The following IBTK variants were observed in gnomAD, a reference collection of about 807,000 sequenced individuals.
The protein encoded by IBTK is inhibitor of Bruton tyrosine kinase.
A neutral mutation model predicts 154.9 loss-of-function variants in IBTK; 83 were observed. The observed-to-expected ratio is 0.54, with a 90% CI of 0.45 to 0.64. The LOEUF is 0.64. Ranked by LOEUF, IBTK falls within the 30% of genes least tolerant of loss-of-function variation. The pLI is 0.00. For missense variants in IBTK, 1,332 were observed against 1,584.6 expected, an observed-to-expected ratio of 0.84 and a Z score of 2.71; for synonymous variants, 515 against 536.1, an observed-to-expected ratio of 0.96 and a Z score of 0.54.
chr6:82,202,417 C>A (rs1769242927), intron 18 of IBTK, 111 bp downstream of exon 18: 1 of 698,968 alleles, frequency 1.4e-6, no homozygotes, highest in Non-Finnish European at 2.5e-6. Context: ...TGATCAAATT[C>A]TTTCCATCCA....
At chr6:82,172,306 A>G in intron 28 of IBTK, 74 bp downstream of exon 28, 1 of 1,471,432 alleles carries the variant, frequency 6.8e-7, no homozygotes, top group Non-Finnish European at 9.2e-7. Flanking sequence ...AAACAAACAA[A>G]CACGATTTTC....
intron 16 of IBTK, among the ~76,000 whole-genome samples, chr6:82,206,848 TAAGAA>T (rs1389179990): frequency 3.3e-5 from 5 of 152,148 alleles, no homozygotes; most frequent in Admixed American, 3.3e-4. Flanking sequence ...ACGGCCATCT[TAAGAA>T]ACAGAAAAAC....
intron 2 of IBTK, among the ~76,000 whole-genome samples, chr6:82,236,094 G>C (rs1160601847): frequency 6.6e-6 from 1 of 152,098 alleles, no homozygotes; most frequent in Non-Finnish European, 1.5e-5. Flanking sequence ...GGCTGGTTTC[G>C]AACTCCTGAC....
Position 82,216,586 on chromosome 6 carries a change from T to A in IBTK, c.1427-336A>T, listed in dbSNP as rs73470059. On this transcript the variant is annotated intron_variant, in intron 10 of 28. Coordinates refer to ENST00000306270, the MANE Select transcript of IBTK (RefSeq NM_015525.4). Reference sequence around the variant, plus strand: ...AAAACTTTTCAACTTATACTTCCTGTTGCCCAAAGGGAAAAAAATTCTTCA... The same window carrying A: ...AAAACTTTTCAACTTATACTTCCTGATGCCCAAAGGGAAAAAAATTCTTCA... 4.5e-3 allele frequency among the ~76,000 whole-genome samples: 684 copies of A among 152,288 alleles called. 5 individuals carry two copies. Among genetic ancestry groups the A allele is most frequent in the African/African-American group, 0.015 (622 of 41,562 alleles).
intron 21 of IBTK, 55 bp downstream of exon 21, chr6:82,200,086 G>A: frequency 9.3e-7 from 1 of 1,079,314 alleles, no homozygotes; most frequent in South Asian, 1.4e-5. Context: ...GATGACATAT[G>A]TGAATAGAGA....
chr6:82,231,748 C>G lies in IBTK; in HGVS notation c.513G>C (p.Leu171=). The G allele has an allele frequency of 6.2e-7, 1 of 1,608,926 alleles. No homozygotes were observed. The highest frequency in any genetic ancestry group is 8.5e-7 in the Non-Finnish European group (1 of 1,177,302). The change falls in exon 4 of 29, where the codon CTG becomes CTC. Residue 171 remains leucine, a synonymous_variant. Transcript: ENST00000306270. Reference sequence around the variant, plus strand: ...TGATATAAATCCCACTCCTGGAGAACAGATCCACCAACTCTGGATGATGTT... The same window carrying G: ...TGATATAAATCCCACTCCTGGAGAAGAGATCCACCAACTCTGGATGATGTT... The part of the protein sequence containing the change: ...NSKHHPELVD[L]FSRSGIYIKQ...
chr6:82,244,665 A>G (rs1178059123), intron 1 of IBTK, among the ~76,000 whole-genome samples: 1 of 152,196 alleles, frequency 6.6e-6, no homozygotes, highest in African/African-American at 2.4e-5. Context: ...TATTTGCCCT[A>G]AACTCCAGGC....
intron 6 of IBTK, 44 bp downstream of exon 6, chr6:82,225,433 T>C: frequency 6.6e-7 from 1 of 1,512,162 alleles, no homozygotes; most frequent in African/African-American, 1.4e-5. Context: ...ATACAGGTTT[T>C]ATTGCAAATG....
chr6:82,188,509 T>C (rs1768636335), intron 25 of IBTK, among the ~76,000 whole-genome samples: 1 of 152,194 alleles, frequency 6.6e-6, no homozygotes, highest in South Asian at 2.1e-4. Context: ...TTATGAACAT[T>C]CTTATACTTG....
At chr6:82,235,784 T>A in intron 2 of IBTK, among the ~76,000 whole-genome samples, 1 of 152,236 alleles carries the variant, frequency 6.6e-6, no homozygotes, top group Non-Finnish European at 1.5e-5. Context: ...TATGTTACCA[T>A]AGTTGGTTCC....
intron 24 of IBTK, 60 bp from the exon 25 acceptor site, chr6:82,191,276 A>C: frequency 7.5e-7 from 1 of 1,337,602 alleles, no homozygotes; most frequent in Non-Finnish European, 1.0e-6. Context: ...TTCCATGAGA[A>C]ATCATTTTGC....
rs2127799184 is a variant in IBTK at position 82,181,740 on chromosome 6, C to T, written c.3725+139G>A. The T allele has an allele frequency of 5.1e-6, 3 of 588,402 alleles. No homozygotes were observed. The East Asian group carries it at 9.4e-5, about 19-fold the overall frequency. 36.4% of individuals were successfully genotyped at this position (588,402 alleles called of 1,614,324 possible). A position where few individuals can be genotyped will look rare whatever the true frequency, so the allele number is the denominator to read the frequency against. Reference sequence around the variant, plus strand: ...TTTTTAAGTGGGGAAGGAATTTAAACATGCTAATTTTAATTCTGAATGTAA... The same window carrying T: ...TTTTTAAGTGGGGAAGGAATTTAAATATGCTAATTTTAATTCTGAATGTAA... On this transcript the variant is annotated intron_variant, in intron 26 of 28. Coordinates refer to ENST00000306270, the MANE Select transcript of IBTK (RefSeq NM_015525.4).
intron 26 of IBTK, among the ~76,000 whole-genome samples, chr6:82,181,132 G>A (rs1768304335): frequency 2.0e-5 from 3 of 152,192 alleles, no homozygotes; most frequent in Non-Finnish European, 4.4e-5. Context: ...GCTCATGCCT[G>A]TAATCCTAGA....
intron 4 of IBTK, 45 bp from the exon 5 acceptor site, chr6:82,227,347 T>C (rs1473192984): frequency 8.9e-7 from 1 of 1,121,746 alleles, no homozygotes; most frequent in Admixed American, 2.2e-5. Flanking sequence ...CTGAATAAAA[T>C]ATCCTTTATT....
chr6:82,223,416 T>C, intron 8 of IBTK, 24 bp downstream of exon 8: 1 of 1,554,950 alleles, frequency 6.4e-7, no homozygotes, highest in Non-Finnish European at 8.8e-7. Context: ...TAAAATTACG[T>C]TTCTTTCACA....
intron 1 of IBTK, 143 bp from the exon 2 acceptor site, chr6:82,240,986 C>T (rs774199368): frequency 7.1e-5 from 28 of 394,336 alleles, no homozygotes; most frequent in South Asian, 1.4e-4. Flanking sequence ...ACTAAGCTTA[C>T]GGGAGTTATT....
chr6:82,215,163 C>A (rs1213983773), intron 11 of IBTK, among the ~76,000 whole-genome samples: 1 of 152,176 alleles, frequency 6.6e-6, no homozygotes, highest in Non-Finnish European at 1.5e-5. Context: ...GGAAGACCAA[C>A]CCTCCTGTGG....
In IBTK at chr6:82,204,870, T is replaced by C; in HGVS notation, c.2598A>G (p.Ala866=). Residue 866 remains alanine, a synonymous_variant, in exon 17 of 29, where the codon GCA becomes GCG. Transcript: ENST00000306270. ...ITRLKEICEV[A]LTEKLTLKNA... The stretch of plus-strand genomic sequence containing the variant: ...AAAATTACTCACGTTTTTCAGTTAA[T>C]GCTACTTCACAAATCTCTTTCAACC... 6.3e-7 allele frequency: 1 copy of C among 1,597,486 alleles called. No individual in the cohort carries two copies.
intron 10 of IBTK, among the ~76,000 whole-genome samples, chr6:82,216,962 G>C (rs1255022030): frequency 6.6e-6 from 1 of 151,972 alleles, no homozygotes; most frequent in East Asian, 1.9e-4. Context: ...GGTAAACAAA[G>C]AATAGATAAA....
Sources: allele counts gnomAD v4.1 joint callset (sites outside exome capture counted in the v4.1 genomes callset), GRCh38; gene constraint gnomAD v4.1.1; transcripts MANE v1.5; gene names NCBI Gene and HGNC (gene_info 2026-07-23, HGNC 2026-07-21).